The following DENND4C variants were observed in gnomAD, a reference collection of about 807,000 sequenced individuals.
DENND4C encodes DENN domain-containing protein 4C.
In DENND4C, 108 loss-of-function variants were observed where a neutral mutation model predicts 203.0. That is an observed-to-expected ratio of 0.53 (90% CI 0.46 to 0.62). The LOEUF (loss-of-function observed/expected upper bound fraction) is 0.62. DENND4C is among the 20% of genes least tolerant of loss of function. The pLI is 0.00. For synonymous variants in DENND4C, 871 were observed against 792.4 expected, an observed-to-expected ratio of 1.10 and a Z score of -1.67; for missense variants, 2,481 against 2,301.2, an observed-to-expected ratio of 1.08 and a Z score of -1.60.
In DENND4C at chr9:19,346,241, G is replaced by A. The variant is rs751507319; in HGVS notation, c.3472G>A (p.Asp1158Asn). 6.2e-7 allele frequency: 1 copy of A among 1,614,080 alleles called. No homozygotes were observed. Among genetic ancestry groups the A allele is most frequent in the Non-Finnish European group, 8.5e-7 (1 of 1,179,964 alleles). ...TGAGAATGTTAGCTGTCACCTACCT[G>A]ATAGTAGGACTTGTATGTCTGAAAG... ...SFENVSCHLPDSRTCMSESTW... is the reference protein window; with the variant it reads ...SFENVSCHLPNSRTCMSESTW... Residue 1158 changes from aspartate (D) to asparagine (N), a missense_variant, in exon 23 of 33, where the codon GAT (aspartate) becomes AAT (asparagine). Asp to Asn is a conservative substitution (Grantham distance 23, BLOSUM62 1). Transcript: ENST00000434457.
At chr9:19,306,317 A>T (rs1273897955) in intron 10 of DENND4C, among the ~76,000 whole-genome samples, 2 of 152,212 alleles carry the variant, frequency 1.3e-5, no homozygotes, top group African/African-American at 4.8e-5. Context: ...AAATATTTTT[A>T]TGTGAACCAA....
At chr9:19,278,197 G>T (rs1049573987) in intron 2 of DENND4C, among the ~76,000 whole-genome samples, 2 of 151,470 alleles carry the variant, frequency 1.3e-5, no homozygotes, top group Non-Finnish European at 2.9e-5. Context: ...GTGCAGTGGC[G>T]CAATCTTGGC....
At chr9:19,327,011 T>C (rs1817974651) in intron 15 of DENND4C, among the ~76,000 whole-genome samples, 1 of 119,244 alleles carries the variant, frequency 8.4e-6, no homozygotes, top group Admixed American at 8.2e-5. Context: ...AAATAGAAAG[T>C]AAAGTAAGTA....
At chr9:19,233,926 A>G (rs912920600) in intron 1 of DENND4C, among the ~76,000 whole-genome samples, 15 of 152,188 alleles carry the variant, frequency 9.9e-5, no homozygotes, top group Non-Finnish European at 1.3e-4. Context: ...GATTAAAAGA[A>G]ATTCAAAAGA....
intron 5 of DENND4C, chr9:19,291,531 C>T (rs1836293490): frequency 6.6e-6 from 1 of 152,148 alleles, no homozygotes; most frequent in Non-Finnish European, 1.5e-5. Context: ...TAGCACAACT[C>T]CGTCTCTACT....
chr9:19,271,413 C>T (rs1218696775), intron 1 of DENND4C, among the ~76,000 whole-genome samples: 3 of 152,094 alleles, frequency 2.0e-5, no homozygotes, highest in Non-Finnish European at 4.4e-5. Context: ...GTTGGCCAGG[C>T]TGTTCTTGAA....
chr9:19,305,305 T>C (rs1839439759), intron 9 of DENND4C, 47 bp from the exon 10 acceptor site: 1 of 1,533,948 alleles, frequency 6.5e-7, no homozygotes, highest in Non-Finnish European at 8.9e-7. Context: ...ATATATTTTT[T>C]ATTGCAAATT....
rs2131702250 is a variant in DENND4C at position 19,257,359 on chromosome 9, A to G, written c.-17-18799A>G. ...TGACAGAGTGACACTCTGTCTCAAA[A>G]AAAAAAAAAAAGAAAACACAACATA... is the stretch of plus-strand genomic sequence containing the variant. On this transcript the variant is annotated intron_variant, in intron 1 of 32. Transcript: ENST00000434457. 2.0e-5 allele frequency among the ~76,000 whole-genome samples: 3 copies of G among 151,084 alleles called. No homozygotes were observed. The East Asian group carries it at 5.8e-4, about 29-fold the overall frequency.
At chr9:19,302,875 CCTT>C (rs1563781066) in intron 9 of DENND4C, among the ~76,000 whole-genome samples, 2 of 152,198 alleles carry the variant, frequency 1.3e-5, no homozygotes, top group Admixed American at 6.5e-5. Flanking sequence ...AAATCTCTCA[CCTT>C]CTTCAGGTTT....
intron 2 of DENND4C, among the ~76,000 whole-genome samples, chr9:19,278,239 G>T (rs1270081610): frequency 1.3e-5 from 2 of 151,862 alleles, no homozygotes; most frequent in Non-Finnish European, 2.9e-5. Context: ...GGGTTCAAGT[G>T]ATTCTCCTGC....
At chr9:19,337,594 G>T in intron 20 of DENND4C, 1 of 1,267,974 alleles carries the variant, frequency 7.9e-7, no homozygotes, top group South Asian at 1.3e-5. Flanking sequence ...CATGGTGTGG[G>T]GTGCAGACAG....
At chr9:19,252,003 T>G (rs1339654688) in intron 1 of DENND4C, among the ~76,000 whole-genome samples, 2 of 152,200 alleles carry the variant, frequency 1.3e-5, no homozygotes, top group Non-Finnish European at 2.9e-5. Flanking sequence ...TTCGGATATC[T>G]TTTCAGCAGT....
Position 19,354,793 on chromosome 9 carries a change from A to C in DENND4C, c.4781+2128A>C, listed in dbSNP as rs149830547. Among the ~76,000 whole-genome samples the C allele has an allele frequency of 7.5e-3, 1,127 of 150,358 alleles. 17 individuals are homozygous for C. The highest frequency in any genetic ancestry group is 0.027 in the African/African-American group (1,090 of 40,944). ...ACTCCTGATCTCAGATGATCCACCC[A>C]CCTTGGCCTCCCAAAGTGCTGGGAT... On this transcript the variant is annotated intron_variant, in intron 26 of 32. Coordinates refer to ENST00000434457, the MANE Select transcript of DENND4C (RefSeq NM_001330640.2).
chr9:19,345,371 T>C (rs891996452), intron 22 of DENND4C, among the ~76,000 whole-genome samples: 1 of 152,368 alleles, frequency 6.6e-6, no homozygotes, highest in Non-Finnish European at 1.5e-5. Flanking sequence ...AGTAGACGTT[T>C]AGTATTTGTT....
chr9:19,329,887 A>T (rs1818696577), intron 16 of DENND4C, among the ~76,000 whole-genome samples: 2 of 152,250 alleles, frequency 1.3e-5, no homozygotes, highest in South Asian at 4.1e-4. Context: ...TTTAGGTATA[A>T]AGAACTAAGC....
chr9:19,234,280 G>C (rs1821312068), intron 1 of DENND4C, among the ~76,000 whole-genome samples: 1 of 151,752 alleles, frequency 6.6e-6, no homozygotes, highest in African/African-American at 2.4e-5. Context: ...GCCCAAGCTG[G>C]AGTGCAGTGG....
At chr9:19,252,129 A>T (rs1256179903) in intron 1 of DENND4C, among the ~76,000 whole-genome samples, 1 of 152,226 alleles carries the variant, frequency 6.6e-6, no homozygotes, top group Non-Finnish European at 1.5e-5. Flanking sequence ...TTACAGTTCC[A>T]TGTGGCTGGG....
intron 30 of DENND4C, among the ~76,000 whole-genome samples, chr9:19,365,887 A>G (rs752592127): frequency 1.3e-5 from 2 of 152,104 alleles, no homozygotes; most frequent in Non-Finnish European, 2.9e-5. Context: ...CAAAACTTAC[A>G]CTCCAAAAAC....
At chr9:19,336,542 T>C (rs978343468) in intron 19 of DENND4C, 128 bp downstream of exon 19, 2 of 1,426,804 alleles carry the variant, frequency 1.4e-6, no homozygotes, top group African/African-American at 2.9e-5. Context: ...TAAAGACAGA[T>C]TGTCTTAGTC....
Sources: allele counts gnomAD v4.1 joint callset (sites outside exome capture counted in the v4.1 genomes callset), GRCh38; gene constraint gnomAD v4.1.1; transcripts MANE v1.5; gene names NCBI Gene and HGNC (gene_info 2026-07-23, HGNC 2026-07-21).